The following DACH2 variants were observed in gnomAD, a reference collection of about 807,000 sequenced individuals.
DACH2 encodes dachshund family transcription factor 2, also known as dachshund homolog 2.
DACH2 carries 17 observed loss-of-function variants against 35.8 expected under a neutral mutation model. The ratio of observed to expected loss-of-function variants is 0.48; its 90% confidence interval spans 0.33 to 0.71. The LOEUF (loss-of-function observed/expected upper bound fraction) is 0.71, where lower values mean the gene tolerates loss of function less well. Among genes scored for constraint, DACH2 ranks in the 30% least tolerant of loss-of-function variants. The probability of loss-of-function intolerance (pLI) is 0.02; values close to 1 mark genes in which losing one functional copy is unlikely to be tolerated. For missense variants in DACH2, 469 were observed against 472.7 expected (o/e 0.99, Z 0.07); for synonymous variants, 195 against 177.3 (o/e 1.10, Z -0.79).
intron 6 of DACH2, among the ~76,000 whole-genome samples, chrX:86,725,079 C>T (rs1164566904): frequency 9.3e-6 from 1 of 107,452 alleles, no homozygotes; most frequent in African/African-American, 3.4e-5. Context: ...GCATTTATGT[C>T]CTGAATTGAT....
intron 1 of DACH2, among the ~76,000 whole-genome samples, chrX:86,295,284 C>T (rs185001306): frequency 5.3e-4 from 59 of 111,311 alleles, no homozygotes; most frequent in Admixed American, 9.5e-4. Context: ...GGCTCGCGCA[C>T]GGTGCGCGCA....
At chrX:86,683,657 G>T (rs1184077414) in intron 4 of DACH2, among the ~76,000 whole-genome samples, 1 of 111,234 alleles carries the variant, frequency 9.0e-6, no homozygotes, top group Admixed American at 9.6e-5. Context: ...AGTTAAAAAG[G>T]TAGTCACCCT....
chrX:86,828,415 C>G (rs1249711921), intron 11 of DACH2: 1 of 111,183 alleles, frequency 9.0e-6, no homozygotes, highest in Non-Finnish European at 1.9e-5. Flanking sequence ...GGAGCAAGTC[C>G]TTTAACCCCT....
intron 3 of DACH2, among the ~76,000 whole-genome samples, chrX:86,611,424 T>C (rs2039943281): frequency 9.0e-6 from 1 of 110,849 alleles, no homozygotes; most frequent in South Asian, 3.9e-4. Flanking sequence ...TGGGCTGTTG[T>C]CTCAGTGGGT....
intron 6 of DACH2, among the ~76,000 whole-genome samples, chrX:86,729,178 G>T: frequency 8.9e-6 from 1 of 112,264 alleles, no homozygotes; most frequent in Non-Finnish European, 1.9e-5. Context: ...ACTTGCATTA[G>T]TGTTCCCTGG....
At chrX:86,614,304 A>G (rs1423113872) in intron 3 of DACH2, among the ~76,000 whole-genome samples, 1 of 111,595 alleles carries the variant, frequency 9.0e-6, no homozygotes, top group Non-Finnish European at 1.9e-5. Flanking sequence ...AAGCTTGTTA[A>G]TGGGGAGTAG....
chrX:86,496,367 A>G (rs1339728166), intron 2 of DACH2, among the ~76,000 whole-genome samples: 4 of 110,904 alleles, frequency 3.6e-5, no homozygotes, highest in Non-Finnish European at 7.5e-5. Context: ...ATCTTACATT[A>G]TTAGAAAATA....
At chrX:86,576,688 A>T (rs757045505) in intron 3 of DACH2, among the ~76,000 whole-genome samples, 21 of 111,174 alleles carry the variant, frequency 1.9e-4, no homozygotes, top group Admixed American at 1.1e-3. Flanking sequence ...TATCATGTGA[A>T]AACTTGATCC....
chrX:86,313,737 A>G (rs2034843924), intron 1 of DACH2, among the ~76,000 whole-genome samples: 1 of 111,946 alleles, frequency 8.9e-6, no homozygotes, highest in South Asian at 3.7e-4. Context: ...TTCAAAAATT[A>G]TAGTAGAAGA....
At chrX:86,786,039 A>T (rs544053546) in intron 7 of DACH2, among the ~76,000 whole-genome samples, 44 of 111,411 alleles carry the variant, frequency 3.9e-4, no homozygotes, top group South Asian at 1.5e-3. Flanking sequence ...AGAAGCCATG[A>T]AGAAAAGAAA....
intron 1 of DACH2, among the ~76,000 whole-genome samples, chrX:86,212,130 T>A (rs1314117501): frequency 9.0e-6 from 1 of 111,341 alleles, no homozygotes; most frequent in Non-Finnish European, 1.9e-5. Flanking sequence ...TCTTTTGCAA[T>A]CTTTGTATCT....
intron 1 of DACH2, among the ~76,000 whole-genome samples, chrX:86,339,421 A>G (rs1002952857): frequency 8.9e-6 from 1 of 112,138 alleles, no homozygotes; most frequent in African/African-American, 3.2e-5. Context: ...TAATCTTATG[A>G]TATTTGATTT....
At chrX:86,698,514 G>GTTT (rs1345238527) in intron 5 of DACH2, among the ~76,000 whole-genome samples, 40 of 34,340 alleles carry the variant, frequency 1.2e-3, no homozygotes, top group African/African-American at 2.3e-3. Context: ...TGTTTTGTTA[G>GTTT]TTTTGTGTTT....
chrX:86,692,719 C>T (rs2041024435), intron 4 of DACH2, among the ~76,000 whole-genome samples: 1 of 111,697 alleles, frequency 9.0e-6, no homozygotes, highest in Non-Finnish European at 1.9e-5. Flanking sequence ...AATGTATCTT[C>T]TTTTGTCAAT....
intron 3 of DACH2, among the ~76,000 whole-genome samples, chrX:86,645,702 A>G (rs1017869907): frequency 2.7e-5 from 3 of 111,420 alleles, no homozygotes; most frequent in African/African-American, 9.8e-5. Flanking sequence ...TATATACCCT[A>G]CGGAATATTA....
chrX:86,457,313 T>A (rs1367808637), intron 2 of DACH2, among the ~76,000 whole-genome samples: 1 of 111,883 alleles, frequency 8.9e-6, no homozygotes, highest in Non-Finnish European at 1.9e-5. Context: ...ACATAACCTA[T>A]TACCTCAGGG....
chrX:86,456,281 G>A (rs762959943), intron 2 of DACH2, among the ~76,000 whole-genome samples: 17 of 111,902 alleles, frequency 1.5e-4, no homozygotes, highest in Non-Finnish European at 2.8e-4. Flanking sequence ...AGCCATCTTG[G>A]CCCCAGGCCT....
chrX:86,829,776 T>C (rs188872067), intron 11 of DACH2: 56 of 112,469 alleles, frequency 5.0e-4, no homozygotes, highest in African/African-American at 1.8e-3. Flanking sequence ...GTCACATTTG[T>C]ATGTATCAAA....
intron 3 of DACH2, among the ~76,000 whole-genome samples, chrX:86,586,973 T>C: frequency 8.9e-6 from 1 of 111,910 alleles, no homozygotes; most frequent in Middle Eastern, 4.6e-3. Context: ...GGTAGTTCAA[T>C]AGGAGTAACA....
Sources: gnomAD v4.1 joint callset for allele counts (sites outside exome capture counted in the v4.1 genomes callset) on GRCh38, gnomAD v4.1.1 for gene constraint, MANE v1.5 for transcripts, NCBI Gene and HGNC (gene_info 2026-07-23, HGNC 2026-07-21) for gene names.